Variants in MICU1 observed in about 807,000 individuals in gnomAD.
The protein encoded by MICU1 is mitochondrial calcium uptake 1.
A neutral mutation model predicts 56.8 loss-of-function variants in MICU1; 45 were observed. The observed-to-expected ratio is 0.79, with a 90% CI of 0.62 to 1.02. The LOEUF is 1.02. Ranked by LOEUF, MICU1 falls within the 50% of genes least tolerant of loss-of-function variation. The probability of loss-of-function intolerance (pLI) is 0.00; values close to 1 mark genes in which losing one functional copy is unlikely to be tolerated. For missense variants in MICU1, 504 were observed against 587.1 expected (o/e 0.86, Z 1.46); for synonymous variants, 186 against 195.1 (o/e 0.95, Z 0.39).
At chr10:72,392,234 A>G (rs1863101011) in intron 10 of MICU1, among the ~76,000 whole-genome samples, 1 of 152,032 alleles carries the variant, frequency 6.6e-6, no homozygotes, top group East Asian at 1.9e-4. Context: ...CTGGAACCAA[A>G]CCCCTGAAGA....
At chr10:72,475,065 A>G (rs1866071409) in intron 8 of MICU1, 35 bp downstream of exon 8, 2 of 1,569,454 alleles carry the variant, frequency 1.3e-6, no homozygotes, top group Middle Eastern at 1.7e-4. Context: ...TCAGTTCCAC[A>G]TGTGATGGAT....
chr10:72,465,676 G>A (rs1865775064), intron 8 of MICU1, among the ~76,000 whole-genome samples: 1 of 151,680 alleles, frequency 6.6e-6, no homozygotes, highest in East Asian at 1.9e-4. Context: ...ACCACACCTG[G>A]CTAATTTTTG....
At chr10:72,521,593 A>T (rs1431311339) in intron 5 of MICU1, among the ~76,000 whole-genome samples, 1 of 152,052 alleles carries the variant, frequency 6.6e-6, no homozygotes, top group African/African-American at 2.4e-5. Flanking sequence ...AAGAACACTC[A>T]GGGTTAGAGA....
intron 1 of MICU1, among the ~76,000 whole-genome samples, chr10:72,596,363 G>A (rs1473583018): frequency 1.3e-5 from 2 of 151,148 alleles, no homozygotes; most frequent in East Asian, 1.9e-4. Context: ...GCTTGAGCCC[G>A]GGAGGTCAAG....
intron 1 of MICU1, among the ~76,000 whole-genome samples, chr10:72,624,925 T>C (rs1483099225): frequency 6.6e-6 from 1 of 152,214 alleles, no homozygotes; most frequent in South Asian, 2.1e-4. Context: ...AGAAACACAG[T>C]AGGTGGGTCA....
intron 9 of MICU1, among the ~76,000 whole-genome samples, chr10:72,409,437 G>A (rs142008824): frequency 1.6e-3 from 240 of 152,358 alleles, no homozygotes; most frequent in Admixed American, 3.1e-3. Context: ...ACTCATGCCT[G>A]TAATCCCAGC....
At chr10:72,508,054 A>G in intron 6 of MICU1, 101 bp downstream of exon 6, 1 of 550,572 alleles carries the variant, frequency 1.8e-6, no homozygotes, top group Non-Finnish European at 2.9e-6. Context: ...ATTATAATTC[A>G]TTAACTCTAC....
At chr10:72,427,691 G>A (rs1022362505) in intron 8 of MICU1, among the ~76,000 whole-genome samples, 3 of 148,708 alleles carry the variant, frequency 2.0e-5, no homozygotes, top group African/African-American at 5.0e-5. Flanking sequence ...CTTGAGCCCA[G>A]GAGTTCAAGA....
chr10:72,371,956 T>C (rs1862357804), intron 11 of MICU1, among the ~76,000 whole-genome samples: 2 of 150,602 alleles, frequency 1.3e-5, no homozygotes, highest in Non-Finnish European at 2.9e-5. Context: ...CTTTGGAGGC[T>C]GAAGTGGGAG....
chr10:72,397,336 T>C (rs1863301874), intron 10 of MICU1, among the ~76,000 whole-genome samples: 1 of 152,100 alleles, frequency 6.6e-6, no homozygotes, highest in Admixed American at 6.6e-5. Context: ...ACAGGCCAAA[T>C]TGCAAAGACC....
intron 6 of MICU1, among the ~76,000 whole-genome samples, chr10:72,499,053 A>G (rs1314844749): frequency 6.6e-6 from 1 of 152,206 alleles, no homozygotes; most frequent in Non-Finnish European, 1.5e-5. Flanking sequence ...TGATTCAAAT[A>G]AAATACAAGT....
intron 1 of MICU1, among the ~76,000 whole-genome samples, chr10:72,600,216 C>T (rs530904729): frequency 4.0e-5 from 6 of 150,480 alleles, no homozygotes; most frequent in Admixed American, 6.7e-5. Context: ...TGCTTGAATC[C>T]GGGATGGGGA....
intron 6 of MICU1, among the ~76,000 whole-genome samples, chr10:72,492,280 TA>T (rs1477936848): frequency 6.6e-6 from 1 of 151,956 alleles, no homozygotes; most frequent in Non-Finnish European, 1.5e-5. Flanking sequence ...GCAAGTAGAC[TA>T]GAAAAGCAAG....
intron 4 of MICU1, among the ~76,000 whole-genome samples, chr10:72,545,368 C>G (rs1036900396): frequency 6.6e-6 from 1 of 152,108 alleles, no homozygotes; most frequent in African/African-American, 2.4e-5. Flanking sequence ...AGAATATATA[C>G]CAAAGGTGGT....
intron 1 of MICU1, chr10:72,583,018 C>T (rs1000393492): frequency 1.3e-5 from 2 of 151,776 alleles, no homozygotes; most frequent in African/African-American, 4.8e-5. Flanking sequence ...CCATGCTGAC[C>T]AGTAGTGGGA....
chr10:72,381,332 G>A (rs1447275806), intron 10 of MICU1, among the ~76,000 whole-genome samples: 2 of 152,198 alleles, frequency 1.3e-5, no homozygotes, highest in Non-Finnish European at 2.9e-5. Context: ...TGGAAAGGCT[G>A]ATGCAGATGT....
intron 6 of MICU1, among the ~76,000 whole-genome samples, chr10:72,485,855 G>A (rs1444246002): frequency 1.3e-5 from 2 of 151,246 alleles, no homozygotes; most frequent in South Asian, 2.1e-4. Flanking sequence ...AGATATGGAC[G>A]GCTTCATCCG....
chr10:72,616,977 A>G (rs1324153471), intron 1 of MICU1, among the ~76,000 whole-genome samples: 1 of 152,074 alleles, frequency 6.6e-6, no homozygotes, highest in Non-Finnish European at 1.5e-5. Context: ...GCAATCATAG[A>G]CCTCATCTCA....
In MICU1 at chr10:72,423,298, C is replaced by A; in HGVS notation, c.1007G>T (p.Gly336Val). 1.2e-6 allele frequency: 2 copies of A among 1,613,988 alleles called. No homozygotes were observed. Among genetic ancestry groups the A allele is most frequent in the Non-Finnish European group, 1.7e-6 (2 of 1,179,876 alleles). Reference sequence around the variant, plus strand: ...GGCGGTCAGCTTCTTGGACTGCACCCCACTGTAGGCAAGTAGCATGCCACC... The same window carrying A: ...GGCGGTCAGCTTCTTGGACTGCACCACACTGTAGGCAAGTAGCATGCCACC... ...QFGGMLLAYSGVQSKKLTAMQ... is the reference protein window; with the variant it reads ...QFGGMLLAYSVVQSKKLTAMQ... The change falls in exon 9 of 12, where the codon GGG becomes GTG. Residue 336 changes from glycine to valine, a missense_variant. Gly to Val is a moderately radical substitution (Grantham distance 109). Transcript: ENST00000361114.
Sources: allele counts gnomAD v4.1 joint callset (sites outside exome capture counted in the v4.1 genomes callset), GRCh38; gene constraint gnomAD v4.1.1; transcripts MANE v1.5; gene names NCBI Gene and HGNC (gene_info 2026-07-23, HGNC 2026-07-21).